Variants in ACCSL observed in about 807,000 individuals in gnomAD.
The protein encoded by ACCSL is probable inactive 1-aminocyclopropane-1-carboxylate synthase-like protein 2.
ACCSL carries 55 observed loss-of-function variants against 61.7 expected under a neutral mutation model. That is an observed-to-expected ratio of 0.89 (90% CI 0.72 to 1.12). ACCSL has a LOEUF of 1.12. Among genes scored for constraint, ACCSL ranks in the 50% most tolerant of loss-of-function variants. The probability of loss-of-function intolerance (pLI) is 0.00; values close to 1 mark genes in which losing one functional copy is unlikely to be tolerated. For synonymous variants in ACCSL, 258 were observed against 264.3 expected, an observed-to-expected ratio of 0.98 and a Z score of 0.23; for missense variants, 632 against 698.0, an observed-to-expected ratio of 0.91 and a Z score of 1.07.
At chr11:43,959,834 C>G in the ACCSL span, among the ~76,000 whole-genome samples, 994 of 152,276 alleles carry the variant, frequency 6.5e-3, 7 homozygotes, top group African/African-American at 0.023. Context: ...ACAGCACCCC[C>G]ACCCCATTCC....
chr11:43,994,173 T>A, the ACCSL span, among the ~76,000 whole-genome samples: 1 of 152,258 alleles, frequency 6.6e-6, no homozygotes, highest in South Asian at 2.1e-4. Flanking sequence ...TTTTTGCATT[T>A]CTTTTATTCA....
At chr11:43,971,010 A>T in the ACCSL span, among the ~76,000 whole-genome samples, 2 of 152,192 alleles carry the variant, frequency 1.3e-5, no homozygotes, top group African/African-American at 4.8e-5. Flanking sequence ...TAGGAAGTAG[A>T]TGAGCTATTA....
At chr11:43,952,500 C>CCCTGACCT in the ACCSL span, among the ~76,000 whole-genome samples, 3 of 152,220 alleles carry the variant, frequency 2.0e-5, no homozygotes, top group Non-Finnish European at 2.9e-5. Context: ...CTGACCTAAC[C>CCCTGACCT]AGTTATGTTA....
At chr11:43,925,994 G>A in the ACCSL span, among the ~76,000 whole-genome samples, 5 of 152,168 alleles carry the variant, frequency 3.3e-5, no homozygotes, top group African/African-American at 9.7e-5. Flanking sequence ...TGTGGCTGAC[G>A]GATGGCCCTG....
intron 2 of ACCSL, 98 bp from the exon 3 acceptor site, chr11:44,050,454 T>A: frequency 9.7e-7 from 1 of 1,025,974 alleles, no homozygotes; most frequent in East Asian, 2.4e-5. Context: ...TAGGAGGTCA[T>A]GTATGTGGAG....
At chr11:44,014,483 CAGAGAGAGAGAGAGAGAGAGAG>C in the ACCSL span, among the ~76,000 whole-genome samples, 13 of 129,028 alleles carry the variant, frequency 1.0e-4, no homozygotes, top group African/African-American at 3.6e-4. Context: ...GAGAGATAGC[CAGAGAGAGAGAGAGAGAGAGAG>C]AGAGAGAGAG....
chr11:43,968,988 T>G, the ACCSL span, among the ~76,000 whole-genome samples: 1 of 152,154 alleles, frequency 6.6e-6, no homozygotes, highest in Non-Finnish European at 1.5e-5. Flanking sequence ...GATTCCTACT[T>G]TCACTTACTT....
the ACCSL span, among the ~76,000 whole-genome samples, chr11:43,976,530 A>G: frequency 3.3e-5 from 5 of 152,358 alleles, no homozygotes; most frequent in South Asian, 6.2e-4. Flanking sequence ...CATACACAAT[A>G]CAACTTTATT....
At chr11:43,951,741 C>T in the ACCSL span, among the ~76,000 whole-genome samples, 2 of 152,198 alleles carry the variant, frequency 1.3e-5, no homozygotes, top group East Asian at 1.9e-4. Flanking sequence ...CAGTAGCTCC[C>T]GCTTGTAATC....
At chr11:43,999,987 A>G in the ACCSL span, among the ~76,000 whole-genome samples, 5 of 152,234 alleles carry the variant, frequency 3.3e-5, no homozygotes, top group African/African-American at 1.2e-4. Context: ...GACTTAAAGT[A>G]TATGGAAGGG....
chr11:44,050,840 CTT>C lies in ACCSL; in HGVS notation c.635+236_635+237del, dbSNP rs66464203. Among the ~76,000 whole-genome samples the C allele has an allele frequency of 3.7e-3, 473 of 126,700 alleles. 1 individual carries two copies. Among genetic ancestry groups the C allele is most frequent in the Non-Finnish European group, 5.2e-3 (315 of 60,258 alleles). The allele number at this position is 126,700 out of a possible 152,430, so 83.1% of individuals were successfully genotyped here. A position where few individuals can be genotyped will look rare whatever the true frequency, so the allele number is the denominator to read the frequency against. ...AGGAATAATTCAAAAGGCCTGAGTT[CTT>C]TTTTTTTTTTTTTTTTTGAGATGGA... On this transcript the variant is annotated intron_variant, in intron 3 of 13. Coordinates refer to ENST00000378832, the MANE Select transcript of ACCSL (RefSeq NM_001031854.2).
chr11:43,992,368 G>C, the ACCSL span, among the ~76,000 whole-genome samples: 1 of 152,262 alleles, frequency 6.6e-6, no homozygotes, highest in African/African-American at 2.4e-5. Flanking sequence ...TTTCAAGGCA[G>C]CTGCATCTAC....
chr11:43,997,954 G>A, the ACCSL span, among the ~76,000 whole-genome samples: 1 of 152,186 alleles, frequency 6.6e-6, no homozygotes, highest in South Asian at 2.1e-4. Context: ...GCCACCCAGC[G>A]GTGTCTGTCT....
At chr11:43,994,175 T>C in the ACCSL span, among the ~76,000 whole-genome samples, 1 of 152,378 alleles carries the variant, frequency 6.6e-6, no homozygotes, top group Middle Eastern at 3.4e-3. Context: ...TTTGCATTTC[T>C]TTTATTCACT....
At chr11:44,023,352 C>T in the ACCSL span, among the ~76,000 whole-genome samples, 1 of 152,142 alleles carries the variant, frequency 6.6e-6, no homozygotes, top group Non-Finnish European at 1.5e-5. Context: ...CACACCCGAC[C>T]TAGATCTTCT....
At chr11:43,938,206 G>GC in the ACCSL span, among the ~76,000 whole-genome samples, 13 of 148,334 alleles carry the variant, frequency 8.8e-5, no homozygotes, top group Admixed American at 7.3e-4. Flanking sequence ...AGGTTCTCTG[G>GC]GGGGGTGACC....
chr11:44,038,741 C>T, the ACCSL span, among the ~76,000 whole-genome samples: 14 of 152,274 alleles, frequency 9.2e-5, no homozygotes, highest in Admixed American at 2.6e-4. Context: ...CTGAAATCAA[C>T]GGGCAAAATG....
chr11:43,946,283 G>C, the ACCSL span, among the ~76,000 whole-genome samples: 568 of 152,130 alleles, frequency 3.7e-3, 4 homozygotes, highest in Non-Finnish European at 5.8e-3. Flanking sequence ...ATTTTTAGTA[G>C]AGATAAGTTT....
At chr11:43,957,865 C>T in the ACCSL span, among the ~76,000 whole-genome samples, 7 of 152,172 alleles carry the variant, frequency 4.6e-5, no homozygotes, top group Admixed American at 6.5e-5. Flanking sequence ...CCGTCATGGC[C>T]GGAACTAGTT....
Sources: allele counts gnomAD v4.1 joint callset (sites outside exome capture counted in the v4.1 genomes callset), GRCh38; gene constraint gnomAD v4.1.1; transcripts MANE v1.5; gene names NCBI Gene and HGNC (gene_info 2026-07-23, HGNC 2026-07-21).